The following LNX1 variants were observed in gnomAD, a reference collection of about 807,000 sequenced individuals.
LNX1 encodes the protein ligand of numb-protein X 1.
In LNX1, 54 loss-of-function variants were observed where a neutral mutation model predicts 68.4. The ratio of observed to expected loss-of-function variants is 0.79; its 90% CI spans 0.63 to 0.99. The LOEUF (loss-of-function observed/expected upper bound fraction) is 0.99, where lower values mean the gene tolerates loss of function less well. Ranked by LOEUF, LNX1 falls within the 50% of genes least tolerant of loss-of-function variation. LNX1 has a pLI of 0.00. For missense variants in LNX1, 906 were observed against 926.4 expected (o/e 0.98, Z 0.29); for synonymous variants, 336 against 350.0 (o/e 0.96, Z 0.45).
chr4:53,575,191 A>G (rs1438819613), intron 1 of LNX1, among the ~76,000 whole-genome samples: 1 of 152,224 alleles, frequency 6.6e-6, no homozygotes, highest in Non-Finnish European at 1.5e-5. Context: ...CATGTTGGCC[A>G]GGCTGGTCTT....
At chr4:53,488,681 T>C (rs1579395940) in intron 6 of LNX1, among the ~76,000 whole-genome samples, 1 of 152,278 alleles carries the variant, frequency 6.6e-6, no homozygotes, top group East Asian at 1.9e-4. Flanking sequence ...TACCTATGGA[T>C]TAATTGAAAG....
chr4:53,501,311 G>GGGGGGCC (rs1553932778), intron 4 of LNX1, among the ~76,000 whole-genome samples: 1 of 55,740 alleles, frequency 1.8e-5, no homozygotes, highest in Non-Finnish European at 3.6e-5. Flanking sequence ...GGGGTGGGGG[G>GGGGGGCC]ACAGGATCTC....
At chr4:53,476,320 C>T (rs1455005223) in intron 9 of LNX1, among the ~76,000 whole-genome samples, 2 of 152,090 alleles carry the variant, frequency 1.3e-5, no homozygotes, top group Middle Eastern at 3.2e-3. Context: ...AATAAAGCCA[C>T]AGAAGGCAGT....
intron 2 of LNX1, among the ~76,000 whole-genome samples, chr4:53,512,769 C>T (rs1440638306): frequency 6.6e-6 from 1 of 152,044 alleles, no homozygotes; most frequent in Non-Finnish European, 1.5e-5. Context: ...GTCTCCTTGC[C>T]AGCAGCTGGG....
At chr4:53,553,545 C>T (rs752321820) in intron 2 of LNX1, among the ~76,000 whole-genome samples, 5 of 152,262 alleles carry the variant, frequency 3.3e-5, no homozygotes, top group South Asian at 2.1e-4. Flanking sequence ...AAATATAGGG[C>T]CAGAAAGATG....
At chr4:53,463,479 T>C (rs76097839) in intron 9 of LNX1, among the ~76,000 whole-genome samples, 2,161 of 152,204 alleles carry the variant, frequency 0.014, 60 homozygotes, top group African/African-American at 0.049. Context: ...GGTCTGACTT[T>C]GTGGGCATTT....
chr4:53,574,158 A>T, intron 1 of LNX1, 70 bp from the exon 2 acceptor site: 2 of 1,158,022 alleles, frequency 1.7e-6, no homozygotes, highest in Non-Finnish European at 2.4e-6. Flanking sequence ...GGTAGACATG[A>T]GACAGGGCTG....
intron 4 of LNX1, among the ~76,000 whole-genome samples, chr4:53,504,353 C>T (rs943281567): frequency 5.9e-5 from 9 of 152,242 alleles, no homozygotes; most frequent in African/African-American, 2.2e-4. Flanking sequence ...TCTCTGCTAG[C>T]TTCCAACTTT....
intron 2 of LNX1, among the ~76,000 whole-genome samples, chr4:53,521,650 A>C (rs372352624): frequency 3.9e-5 from 6 of 152,110 alleles, no homozygotes; most frequent in African/African-American, 1.4e-4. Context: ...AAACAACCTT[A>C]CTCCTTCTAT....
intron 2 of LNX1, among the ~76,000 whole-genome samples, chr4:53,543,791 A>G (rs4864791): frequency 1.3e-3 from 201 of 152,344 alleles, no homozygotes; most frequent in African/African-American, 4.3e-3. Flanking sequence ...CAACCATGCC[A>G]AGAAAGAAGA....
chr4:53,609,919 G>A (rs1381082044), intron 2 of LNX1, among the ~76,000 whole-genome samples: 1 of 150,734 alleles, frequency 6.6e-6, no homozygotes, highest in Non-Finnish European at 1.5e-5. Flanking sequence ...TTTATGAATA[G>A]TAAATCATTT....
In LNX1 at chr4:53,460,630, T is replaced by C. The variant is rs1241064174; in HGVS notation, c.*277A>G. On this transcript the variant is annotated 3_prime_UTR_variant, in exon 11 of 11. Transcript: ENST00000263925. ...TGAATTCAGTGGGGTATACAAATCATTTTAGTTGTTTTAGGGCTTTTTATT... is the reference window on the plus strand; with the variant it reads ...TGAATTCAGTGGGGTATACAAATCACTTTAGTTGTTTTAGGGCTTTTTATT... The C allele has an allele frequency of 3.1e-5, 10 of 321,962 alleles. No individual in the cohort carries two copies. The highest frequency in any genetic ancestry group is 5.5e-5 in the Non-Finnish European group (10 of 182,678). 19.9% of individuals were successfully genotyped at this position (321,962 alleles called of 1,614,324 possible).
chr4:53,533,674 A>G (rs1156600895), intron 2 of LNX1, among the ~76,000 whole-genome samples: 1 of 152,190 alleles, frequency 6.6e-6, no homozygotes, highest in African/African-American at 2.4e-5. Context: ...TGCTGGGATT[A>G]CAGGCATGAA....
intron 2 of LNX1, among the ~76,000 whole-genome samples, chr4:53,598,455 A>T (rs1271660739): frequency 1.3e-5 from 2 of 151,508 alleles, no homozygotes; most frequent in East Asian, 3.9e-4. Flanking sequence ...CTGGTCTCGA[A>T]CTCCTGGGCC....
At chr4:53,555,610 G>A (rs1432641754) in intron 2 of LNX1, among the ~76,000 whole-genome samples, 2 of 152,136 alleles carry the variant, frequency 1.3e-5, no homozygotes, top group African/African-American at 4.8e-5. Flanking sequence ...TTATTGCCTG[G>A]ATTCCTTAGA....
At chr4:53,567,508 A>G (rs1730784068) in intron 2 of LNX1, among the ~76,000 whole-genome samples, 1 of 152,258 alleles carries the variant, frequency 6.6e-6, no homozygotes, top group Non-Finnish European at 1.5e-5. Context: ...GTGTAGAGGG[A>G]AATTTATAGC....
chr4:53,507,807 T>C (rs1486130731), intron 3 of LNX1, among the ~76,000 whole-genome samples, 179 bp downstream of exon 3: 1 of 152,198 alleles, frequency 6.6e-6, no homozygotes. Flanking sequence ...ACAGTTTTAA[T>C]GATTGGAGGT....
In LNX1 at chr4:53,468,366, C is replaced by T. The variant is rs1304477143; in HGVS notation, c.1893-6773G>A. Among the ~76,000 whole-genome samples the T allele has an allele frequency of 3.3e-5, 5 of 152,256 alleles. No homozygotes were observed. In the South Asian group the frequency reaches 6.2e-4, roughly 19 times the overall value. ...AGCACTAAATATGGAAAGGAACAAC[C>T]GTTACCAGCTACTGCAAAAACATGC... On this transcript the variant is annotated intron_variant, in intron 9 of 10. Transcript: ENST00000263925.
intron 9 of LNX1, among the ~76,000 whole-genome samples, chr4:53,472,104 T>G (rs1430317625): frequency 3.3e-5 from 5 of 152,144 alleles, no homozygotes; most frequent in African/African-American, 1.2e-4. Context: ...CCAACAATGA[T>G]AGACTGGATT....
Sources: allele counts gnomAD v4.1 joint callset (sites outside exome capture counted in the v4.1 genomes callset), GRCh38; gene constraint gnomAD v4.1.1; transcripts MANE v1.5; gene names NCBI Gene and HGNC (gene_info 2026-07-23, HGNC 2026-07-21).